Variants in ZNF883 observed in about 807,000 individuals in gnomAD.
ZNF883 encodes zinc finger protein 883.
intron 2 of ZNF883, among the ~76,000 whole-genome samples, chr9:113,007,206 T>C (rs1179395228): frequency 1.3e-5 from 2 of 152,028 alleles, no homozygotes; most frequent in African/African-American, 2.4e-5. Flanking sequence ...AAGAAAAAAA[T>C]CTCCATGTAC....
chr9:113,001,209 G>C (rs1280284556), upstream of ZNF883, among the ~76,000 whole-genome samples: 1 of 152,100 alleles, frequency 6.6e-6, no homozygotes, highest in African/African-American at 2.4e-5. Flanking sequence ...GAAACATTTG[G>C]TAATGACAGA....
downstream of ZNF883, among the ~76,000 whole-genome samples, chr9:112,994,272 G>T (rs904399151): frequency 1.3e-5 from 2 of 150,270 alleles, no homozygotes; most frequent in African/African-American, 2.4e-5. Flanking sequence ...GCTTCCAGGT[G>T]GGCCGTCACA....
At chr9:113,007,671 G>T (rs1274274851) in intron 2 of ZNF883, among the ~76,000 whole-genome samples, 1 of 152,182 alleles carries the variant, frequency 6.6e-6, no homozygotes. Flanking sequence ...CCAGATGCTA[G>T]AGCTTCTTGC....
upstream of ZNF883, among the ~76,000 whole-genome samples, chr9:113,001,541 T>G (rs1236990966): frequency 6.6e-6 from 1 of 152,152 alleles, no homozygotes. Context: ...CGAGGGGCTC[T>G]GCATAGAGGA....
chr9:112,997,281 C>T, exon 1 of ZNF883: 1 of 1,614,152 alleles, frequency 6.2e-7, no homozygotes, highest in Non-Finnish European at 8.5e-7. Flanking sequence ...AAGGATTTCC[C>T]ACATTCATTA....
At chr9:113,002,710 G>A (rs2118618502), upstream of ZNF883, among the ~76,000 whole-genome samples, 1 of 152,200 alleles carries the variant, frequency 6.6e-6, no homozygotes, top group African/African-American at 2.4e-5. Context: ...TTAGCCATGT[G>A]CTATATTCTA....
intron 2 of ZNF883, among the ~76,000 whole-genome samples, chr9:113,007,350 T>C (rs894597500): frequency 2.0e-5 from 3 of 152,256 alleles, no homozygotes. Context: ...CTTCTGCTAG[T>C]ATTGCTGAAT....
intron 2 of ZNF883, among the ~76,000 whole-genome samples, chr9:113,006,264 T>C (rs138595740): frequency 0.027 from 4,037 of 152,214 alleles, 91 homozygotes; most frequent in Non-Finnish European, 0.036. Context: ...AGTTACCCTG[T>C]ATGGTTTGGA....
intron 2 of ZNF883, among the ~76,000 whole-genome samples, chr9:113,009,203 T>G (rs1339236970): frequency 2.0e-5 from 3 of 152,204 alleles, no homozygotes; most frequent in Non-Finnish European, 4.4e-5. Context: ...TAAATCTTAA[T>G]AGAGCTGAAT....
intron 1 of ZNF883, among the ~76,000 whole-genome samples, chr9:112,988,543 T>G (rs1828274153): frequency 6.6e-6 from 1 of 152,062 alleles, no homozygotes; most frequent in Non-Finnish European, 1.5e-5. Flanking sequence ...ATTTTCTTTA[T>G]CCAGTCTATC....
intron 1 of ZNF883, among the ~76,000 whole-genome samples, chr9:113,011,841 C>T (rs984277278): frequency 2.0e-5 from 3 of 152,164 alleles, no homozygotes; most frequent in East Asian, 1.9e-4. Flanking sequence ...GGCCCAAAAG[C>T]TCTGAGCTCT....
At position 112,998,170 on chromosome 9, in the gene ZNF883, C is replaced by A. The variant is rs199852187; in HGVS notation, n.90G>T. On this transcript the variant is annotated non_coding_transcript_exon_variant, in exon 1 of 1. Transcript: ENST00000639662. ...TTTCTCCAATATGTGTTTTCTGATG[C>A]TGGGTCAGGGATGCAAGACAAGTGT... 3.3e-4 allele frequency: 529 copies of A among 1,613,848 alleles called. 3 individuals carry two copies. Among genetic ancestry groups the A allele is most frequent in the Middle Eastern group, 3.0e-3 (18 of 6,060 alleles).
intron 1 of ZNF883, among the ~76,000 whole-genome samples, chr9:112,992,098 TTA>T (rs539655438): frequency 1.4e-3 from 219 of 152,364 alleles, no homozygotes; most frequent in African/African-American, 5.1e-3. Context: ...GTTAATATTG[TTA>T]TGTGTGAATT....
chr9:112,996,769 C>T (rs1331114603), downstream of ZNF883, among the ~76,000 whole-genome samples: 5 of 117,620 alleles, frequency 4.3e-5, no homozygotes, highest in Admixed American at 1.2e-4. Context: ...CCAGCCTGGG[C>T]GACAGAGCGA....
chr9:112,992,334 C>T (rs1178815764), downstream of ZNF883, among the ~76,000 whole-genome samples: 1 of 152,168 alleles, frequency 6.6e-6, no homozygotes, highest in African/African-American at 2.4e-5. Context: ...TTCTCCTTTG[C>T]TTACGAAGCT....
At position 112,997,147 on chromosome 9, in the gene ZNF883, A is replaced by G. The variant is rs372551062; in HGVS notation, n.1113T>C. 1.9e-6 allele frequency: 3 copies of G among 1,607,698 alleles called. No homozygotes were observed. In the African/African-American group the frequency reaches 4.0e-5, roughly 22 times the overall value. On this transcript the variant is annotated non_coding_transcript_exon_variant, in exon 1 of 1. Transcript: ENST00000639662. Reference sequence around the variant, plus strand: ...ACTCTGCTAAGGTTTCCTTTCTGAAATGAGTTTTCTGATGTCGAATTAAGG... The same window carrying G: ...ACTCTGCTAAGGTTTCCTTTCTGAAGTGAGTTTTCTGATGTCGAATTAAGG...
At chr9:112,999,874 A>AT (rs1226121186), upstream of ZNF883, 2 of 152,158 alleles carry the variant, frequency 1.3e-5, no homozygotes, top group African/African-American at 2.4e-5. Context: ...CTCCATCCCC[A>AT]TACCTTCCTT....
chr9:112,997,004 G>C, downstream of ZNF883: 3 of 946,368 alleles, frequency 3.2e-6, no homozygotes, highest in Non-Finnish European at 4.6e-6. Flanking sequence ...AGCATATTAA[G>C]TAAATGAGTG....
chr9:113,001,236 G>A (rs540266692), upstream of ZNF883, among the ~76,000 whole-genome samples: 2 of 152,160 alleles, frequency 1.3e-5, no homozygotes, highest in East Asian at 3.9e-4. Flanking sequence ...TTGAAAGGTA[G>A]ATAAAAAATT....
Sources: gnomAD v4.1 joint callset for allele counts (sites outside exome capture counted in the v4.1 genomes callset) on GRCh38, gnomAD v4.1.1 for gene constraint, MANE v1.5 for transcripts, NCBI Gene and HGNC (gene_info 2026-07-23, HGNC 2026-07-21) for gene names.